NTM: variants seen among roughly 807,000 people sequenced by gnomAD.
NTM encodes IgLON family member 2.
In NTM, 13 loss-of-function variants were observed where a neutral mutation model predicts 42.1. The observed-to-expected ratio is 0.31, with a 90% CI of 0.20 to 0.49. The LOEUF (loss-of-function observed/expected upper bound fraction) is 0.49. Among genes scored for constraint, NTM ranks in the 20% least tolerant of loss-of-function variants. The pLI is 0.99. For synonymous variants in NTM, 187 were observed against 179.2 expected (o/e 1.04, Z -0.35); for missense variants, 373 against 452.8 (o/e 0.82, Z 1.60).
At chr11:131,414,904 G>A (rs1461220044) in intron 1 of NTM, among the ~76,000 whole-genome samples, 2 of 152,106 alleles carry the variant, frequency 1.3e-5, no homozygotes, top group Admixed American at 6.6e-5. Context: ...TGCTACCCAG[G>A]CCTTTGGAAA....
chr11:131,773,854 A>G, intron 1 of NTM: 1 of 230,278 alleles, frequency 4.3e-6, no homozygotes, highest in Non-Finnish European at 7.2e-6. Context: ...TAAGCAGCGC[A>G]TGATCTTCCA....
chr11:131,535,492 G>T (rs182935371), intron 1 of NTM: 1 of 152,074 alleles, frequency 6.6e-6, no homozygotes, highest in Non-Finnish European at 1.5e-5. Flanking sequence ...TATGCTCATC[G>T]CCTCGTCTGA....
chr11:132,209,264 T>A (rs6590630), intron 3 of NTM, among the ~76,000 whole-genome samples: 1 of 152,090 alleles, frequency 6.6e-6, no homozygotes, highest in Non-Finnish European at 1.5e-5. Flanking sequence ...TAAAATGATA[T>A]AACCATAAAT....
At chr11:132,096,651 T>C (rs532422343) in intron 2 of NTM, among the ~76,000 whole-genome samples, 3 of 152,292 alleles carry the variant, frequency 2.0e-5, no homozygotes, top group African/African-American at 7.2e-5. Context: ...TACTGACCCA[T>C]CAAGGAGCAA....
intron 1 of NTM, among the ~76,000 whole-genome samples, chr11:131,845,401 A>G (rs1257025606): frequency 6.6e-6 from 1 of 152,112 alleles, no homozygotes; most frequent in Non-Finnish European, 1.5e-5. Context: ...TGTTCCTTCA[A>G]TACCAGCACT....
Position 132,171,552 on chromosome 11 carries a change from G to A in NTM, c.400+25038G>A, listed in dbSNP as rs147265563. ...TTTGCCCTCATAACTTAATCACCTC[G>A]CAAGGCTCCACCCTCAAAAACCATC... is the stretch of plus-strand genomic sequence containing the variant. On this transcript the variant is annotated intron_variant, in intron 3 of 8. Transcript: ENST00000683400. Among the ~76,000 whole-genome samples the A allele has an allele frequency of 3.7e-3, 561 of 152,166 alleles. 1 individual carries two copies. Among genetic ancestry groups the A allele is most frequent in the African/African-American group, 0.011 (458 of 41,520 alleles).
At chr11:131,805,675 G>A (rs1414681853) in intron 1 of NTM, among the ~76,000 whole-genome samples, 1 of 152,104 alleles carries the variant, frequency 6.6e-6, no homozygotes, top group African/African-American at 2.4e-5. Flanking sequence ...TCTTCTTTAA[G>A]AGACTTAACA....
chr11:131,500,185 C>T (rs1007344886), intron 1 of NTM, among the ~76,000 whole-genome samples: 13 of 152,260 alleles, frequency 8.5e-5, no homozygotes, highest in East Asian at 3.9e-4. Flanking sequence ...TCAGAGGAGG[C>T]GGGAGAGAGG....
At chr11:131,424,975 G>A (rs1345643436) in intron 1 of NTM, among the ~76,000 whole-genome samples, 3 of 151,234 alleles carry the variant, frequency 2.0e-5, no homozygotes, top group East Asian at 2.0e-4. Context: ...CGCCTCCTGG[G>A]TTCAAGCAAT....
chr11:131,449,482 G>C (rs1400753957), intron 1 of NTM, among the ~76,000 whole-genome samples: 1 of 152,232 alleles, frequency 6.6e-6, no homozygotes, highest in African/African-American at 2.4e-5. Flanking sequence ...GCTGGTGGCA[G>C]AGTGTGGGCT....
rs573109528 is a variant in NTM at position 131,891,441 on chromosome 11, T to C, written c.83-20123T>C. On this transcript the variant is annotated intron_variant, in intron 1 of 8. Coordinates refer to ENST00000683400, the MANE Select transcript of NTM (RefSeq NM_001352005.2). ...ATGCTGTCCAGAAGTATGGGGAATC[T>C]AAATGGTGTGGTGACTTGACTTCCA... Among the ~76,000 whole-genome samples the C allele has an allele frequency of 3.3e-5, 5 of 152,274 alleles. 1 individual carries two copies. In the South Asian group the frequency reaches 1.0e-3, roughly 32 times the overall value.
At chr11:131,584,137 A>G (rs948815825) in intron 1 of NTM, among the ~76,000 whole-genome samples, 6 of 152,252 alleles carry the variant, frequency 3.9e-5, no homozygotes, top group East Asian at 1.9e-4. Context: ...CTGGCTGACA[A>G]CCCTCTTTGC....
intron 1 of NTM, among the ~76,000 whole-genome samples, chr11:131,434,953 A>G (rs907758365): frequency 1.3e-5 from 2 of 152,074 alleles, no homozygotes; most frequent in Non-Finnish European, 2.9e-5. Flanking sequence ...ATCCATCTTG[A>G]ATTTATTTTT....
At chr11:131,826,031 G>A (rs1039980422) in intron 1 of NTM, among the ~76,000 whole-genome samples, 2 of 152,074 alleles carry the variant, frequency 1.3e-5, no homozygotes, top group Non-Finnish European at 2.9e-5. Flanking sequence ...TTGGGGAGAG[G>A]GTAGTATAAA....
Position 132,003,982 on chromosome 11 carries a change from T to C in NTM, c.167+92334T>C, listed in dbSNP as rs551553668. Among the ~76,000 whole-genome samples, 1 of 152,350 alleles carries C rather than the reference T, an allele frequency of 6.6e-6. No individual in the cohort carries two copies. Among genetic ancestry groups the C allele is most frequent in the South Asian group, 2.1e-4 (1 of 4,824 alleles). ...TCGTCTCCTTAATCAACCATTAGCA[T>C]AATGTATTAGCATATCTATAGCACA... is the stretch of plus-strand genomic sequence containing the variant. On this transcript the variant is annotated intron_variant, in intron 2 of 8. Coordinates refer to ENST00000683400, the MANE Select transcript of NTM (RefSeq NM_001352005.2). The surrounding 1 kb of genome is among the most constrained non-coding windows in gnomAD (Gnocchi z 6.0).
chr11:131,930,143 A>G (rs983050498), intron 2 of NTM, among the ~76,000 whole-genome samples: 4 of 152,204 alleles, frequency 2.6e-5, no homozygotes, highest in African/African-American at 9.7e-5. Flanking sequence ...AATTAAACAT[A>G]CTTCTATTTT....
intron 1 of NTM, among the ~76,000 whole-genome samples, chr11:131,829,491 C>A (rs1174767113): frequency 6.6e-6 from 1 of 152,130 alleles, no homozygotes; most frequent in East Asian, 1.9e-4. Context: ...TATCCAGCTG[C>A]ATACATATTG....
At chr11:131,918,527 G>A (rs977191384) in intron 2 of NTM, among the ~76,000 whole-genome samples, 1 of 152,136 alleles carries the variant, frequency 6.6e-6, no homozygotes, top group Non-Finnish European at 1.5e-5. Flanking sequence ...AAACCAAAGC[G>A]CTGAGAGGCA....
chr11:132,033,248 T>C (rs557682176), intron 2 of NTM, among the ~76,000 whole-genome samples: 1 of 152,106 alleles, frequency 6.6e-6, no homozygotes, highest in Admixed American at 6.5e-5. Flanking sequence ...AGATGATGAG[T>C]GTGTCTCATG....
Sources: gnomAD v4.1 joint callset for allele counts (sites outside exome capture counted in the v4.1 genomes callset) on GRCh38, gnomAD v4.1.1 for gene constraint, Gnocchi (gnomAD v3.1) non-coding constraint, MANE v1.5 for transcripts, NCBI Gene and HGNC (gene_info 2026-07-23, HGNC 2026-07-21) for gene names.